FLCN: variants seen among roughly 807,000 people sequenced by gnomAD.
FLCN encodes BHD skin lesion fibrofolliculoma protein.
FLCN carries 22 observed loss-of-function variants against 62.5 expected under a neutral mutation model. That is an observed-to-expected ratio of 0.35 (90% CI 0.25 to 0.50). FLCN has a LOEUF of 0.50. FLCN is among the 20% of genes least tolerant of loss of function. The probability of loss-of-function intolerance (pLI) is 0.97; values close to 1 mark genes in which losing one functional copy is unlikely to be tolerated. For synonymous variants in FLCN, 319 were observed against 310.0 expected (o/e 1.03, Z -0.30); for missense variants, 657 against 778.0 (o/e 0.84, Z 1.85).
At chr17:17,214,549 A>G (rs1281333285) in intron 13 of FLCN, among the ~76,000 whole-genome samples, 1 of 152,140 alleles carries the variant, frequency 6.6e-6, no homozygotes, top group Non-Finnish European at 1.5e-5. Flanking sequence ...AGCCAAGATC[A>G]TGCCATTGCA....
rs1597586247 is a variant in FLCN, at chr17:17,216,955, TGGTGCACAGC to T, written c.1176+104_1176+113del. The T allele has an allele frequency of 2.5e-6, 2 of 797,530 alleles. No individual in the cohort carries two copies. Among genetic ancestry groups the T allele is most frequent in the East Asian group, 5.2e-5 (2 of 38,678 alleles). The allele number at this position is 797,530 out of a possible 1,614,324, so 49.4% of individuals were successfully genotyped here. On this transcript the variant is annotated intron_variant, in intron 10 of 13. Coordinates refer to ENST00000285071, the MANE Select transcript of FLCN (RefSeq NM_144997.7). This position sits in a 1 kb window ranked among gnomAD's most constrained non-coding sequence, Gnocchi z 4.0. ...CACTGCGCCCCCAGTGGAGACCGTG[TGGTGCACAGC>T]GGTTCTGTGCTGGGCAGTCGGTGCA...
intron 3 of FLCN, among the ~76,000 whole-genome samples, chr17:17,229,947 A>G (rs1238583441): frequency 6.6e-6 from 1 of 152,234 alleles, no homozygotes; most frequent in Non-Finnish European, 1.5e-5. Context: ...AGGGACACCA[A>G]GCACTCATTG....
chr17:17,233,012 G>A (rs976897216), intron 1 of FLCN, 111 bp from the exon 2 acceptor site: 1 of 152,242 alleles, frequency 6.6e-6, no homozygotes, highest in African/African-American at 2.4e-5. Flanking sequence ...CGTGTCTGAT[G>A]AGGATGTAGA....
intron 4 of FLCN, among the ~76,000 whole-genome samples, chr17:17,226,847 TGCTGCCCC>T (rs930392811): frequency 3.3e-5 from 5 of 152,196 alleles, no homozygotes; most frequent in Admixed American, 3.3e-4. Flanking sequence ...AGCTCACCAC[TGCTGCCCC>T]GCTGCCCCGC....
rs2046882472 is a variant in FLCN, at chr17:17,215,293, G to GT, written c.1323_1324insA (p.His442ThrfsTer14). 1 of 1,614,072 alleles carries GT rather than the reference G, an allele frequency of 6.2e-7. No individual in the cohort carries two copies. The highest frequency in any genetic ancestry group is 8.5e-7 in the Non-Finnish European group (1 of 1,180,040). On this transcript the variant is annotated frameshift_variant, in exon 12 of 14. Coordinates refer to ENST00000285071, the MANE Select transcript of FLCN (RefSeq NM_144997.7). LOFTEE classifies it high-confidence loss of function. ...TGGAGGGTGGAACGTGCGGCTGCGT[G>GT]GACCTCCACGATGACAGCAAACTCT...
At chr17:17,235,268 A>C (rs983998590) in intron 1 of FLCN, among the ~76,000 whole-genome samples, 1 of 152,138 alleles carries the variant, frequency 6.6e-6, no homozygotes, top group South Asian at 2.1e-4. Context: ...CAATAAGAGT[A>C]AAACTCCATT....
At position 17,215,290 on chromosome 17, in the gene FLCN, C is replaced by A. The variant is rs535236784; in HGVS notation, c.1327G>T (p.Ala443Ser). 7 of 1,614,088 alleles carry A rather than the reference C, an allele frequency of 4.3e-6. No individual in the cohort carries two copies. The highest frequency in any genetic ancestry group is 2.7e-5 in the African/African-American group (2 of 75,042). The change falls in exon 12 of 14, where the codon GCA (alanine) becomes TCA (serine). Residue 443 changes from alanine to serine, a missense_variant. By Grantham distance (99) the Ala-to-Ser change is moderately conservative. Coordinates refer to ENST00000285071, the MANE Select transcript of FLCN (RefSeq NM_144997.7). ...GGGTGGAGGGTGGAACGTGCGGCTG[C>A]GTGGACCTCCACGATGACAGCAAAC... ...SEFAVIVEVH[A>S]AARSTLHPVG... is the part of the protein sequence containing the mutation.
At chr17:17,218,310 T>C (rs8080386) in intron 9 of FLCN, among the ~76,000 whole-genome samples, 89,378 of 151,630 alleles carry the variant, frequency 0.59, 26,856 homozygotes, top group East Asian at 0.84. Flanking sequence ...TCATATTCCA[T>C]GGTTTGGCTA....
rs145430714 is a variant in FLCN at position 17,213,477 on chromosome 17, T to G, written c.*178A>C. 8 of 751,630 alleles carry G rather than the reference T, an allele frequency of 1.1e-5. No homozygotes were observed. The East Asian group carries it at 2.2e-4, about 20-fold the overall frequency. 46.6% of individuals were successfully genotyped at this position (751,630 alleles called of 1,614,324 possible). A position where few individuals can be genotyped will look rare whatever the true frequency, so the allele number is the denominator to read the frequency against. On this transcript the variant is annotated 3_prime_UTR_variant, in exon 14 of 14. Coordinates refer to ENST00000285071, the MANE Select transcript of FLCN (RefSeq NM_144997.7). ...GCGATTCCAACGGCTGGAGGGAGAG[T>G]CTGGGAAGCACACAGGCCCCAAACC...
intron 8 of FLCN, chr17:17,220,983 G>A (rs933137335): frequency 4.7e-6 from 2 of 423,414 alleles, no homozygotes; most frequent in African/African-American, 4.0e-5. Context: ...CCACAGACCT[G>A]TAGCACCAAG....
chr17:17,221,101 G>A (rs1476254245), intron 8 of FLCN: 11 of 1,301,058 alleles, frequency 8.5e-6, no homozygotes, highest in Non-Finnish European at 1.1e-5. Flanking sequence ...CCCAGATCAG[G>A]AACCTGGGGA....
intron 7 of FLCN, among the ~76,000 whole-genome samples, chr17:17,222,063 G>A (rs959312309): frequency 6.7e-6 from 1 of 149,910 alleles, no homozygotes; most frequent in Non-Finnish European, 1.5e-5. Flanking sequence ...AAGGCTGGGC[G>A]CGGTGGCTCA....
intron 3 of FLCN, among the ~76,000 whole-genome samples, chr17:17,231,157 G>A (rs1413997653): frequency 6.6e-6 from 1 of 151,926 alleles, no homozygotes; most frequent in Non-Finnish European, 1.5e-5. Flanking sequence ...CCAAGACTGC[G>A]CAACTGCAGT....
At chr17:17,227,703 C>T (rs113354450) in intron 4 of FLCN, among the ~76,000 whole-genome samples, 186 bp downstream of exon 4, 3 of 152,226 alleles carry the variant, frequency 2.0e-5, no homozygotes, top group Admixed American at 6.5e-5. Flanking sequence ...AAGAGCAAAA[C>T]TCTGTCTCAA....
At chr17:17,227,670 C>T (rs2047292562) in intron 4 of FLCN, among the ~76,000 whole-genome samples, 1 of 152,086 alleles carries the variant, frequency 6.6e-6, no homozygotes, top group Non-Finnish European at 1.5e-5. Context: ...ATGATCACAC[C>T]ATGGCACTCC....
In FLCN at chr17:17,217,358, G is replaced by A. The variant is rs1334336540; in HGVS notation, c.1063-176C>T. 3 of 647,870 alleles carry A rather than the reference G, an allele frequency of 4.6e-6. No individual in the cohort carries two copies. The East Asian group carries it at 8.2e-5, about 18-fold the overall frequency. 40.1% of individuals were successfully genotyped at this position (647,870 alleles called of 1,614,324 possible). A position where few individuals can be genotyped will look rare whatever the true frequency, so the allele number is the denominator to read the frequency against. On this transcript the variant is annotated intron_variant, in intron 9 of 13. Transcript: ENST00000285071. The stretch of plus-strand genomic sequence containing the variant: ...CGGCCCAGGGTTAAAGGGGCAGAGA[G>A]AGAAGTTCCAGGTTTGCACATAAAT...
chr17:17,213,544 T>G lies in FLCN; in HGVS notation c.*111A>C. On this transcript the variant is annotated 3_prime_UTR_variant, in exon 14 of 14. Coordinates refer to ENST00000285071, the MANE Select transcript of FLCN (RefSeq NM_144997.7). The stretch of plus-strand genomic sequence containing the variant: ...AGCCCTGATGGTTTCCCTTCCTTGC[T>G]GGGACACAGCTCCTTCCAGCAGTTG... 6.8e-7 allele frequency: 1 copy of G among 1,461,252 alleles called. No individual in the cohort carries two copies. Among genetic ancestry groups the G allele is most frequent in the South Asian group, 1.2e-5 (1 of 86,258 alleles). The allele number at this position is 1,461,252 out of a possible 1,614,324, so 90.5% of individuals were successfully genotyped here.
At chr17:17,221,129 G>C in intron 8 of FLCN, 1 of 1,386,052 alleles carries the variant, frequency 7.2e-7, no homozygotes, top group Non-Finnish European at 9.4e-7. Flanking sequence ...GCACCTGGGA[G>C]GTCAGGGAAC....
chr17:17,228,820 G>T (rs1362871208), intron 3 of FLCN: 1 of 153,194 alleles, frequency 6.5e-6, no homozygotes, highest in Non-Finnish European at 1.5e-5. Context: ...ACAGGGTGGA[G>T]GCTGTAGGAA....
Sources: gnomAD v4.1 joint callset for allele counts (sites outside exome capture counted in the v4.1 genomes callset) on GRCh38, gnomAD v4.1.1 for gene constraint, Gnocchi (gnomAD v3.1) non-coding constraint, MANE v1.5 for transcripts, NCBI Gene and HGNC (gene_info 2026-07-23, HGNC 2026-07-21) for gene names.